Variants in SAMD3 observed in about 807,000 individuals in gnomAD.
SAMD3 encodes sterile alpha motif domain containing 3.
In SAMD3, 63 loss-of-function variants were observed where a neutral mutation model predicts 58.5. The ratio of observed to expected loss-of-function variants is 1.08; its 90% CI spans 0.88 to 1.33. SAMD3 has a LOEUF of 1.33. SAMD3 is among the 40% of genes most tolerant of loss of function. The pLI, the probability that SAMD3 is intolerant of heterozygous loss-of-function variation, is 0.00. For missense variants in SAMD3, 604 were observed against 608.4 expected (o/e 0.99, Z 0.08); for synonymous variants, 220 against 210.3 (o/e 1.05, Z -0.40).
At chr6:130,210,248 G>A (rs1425764278) in intron 4 of SAMD3, among the ~76,000 whole-genome samples, 2 of 152,158 alleles carry the variant, frequency 1.3e-5, no homozygotes, top group African/African-American at 2.4e-5. Flanking sequence ...CATTTGCTGA[G>A]GTATCAACAG....
chr6:130,309,388 G>T (rs1161942699), intron 2 of SAMD3, among the ~76,000 whole-genome samples: 1 of 152,184 alleles, frequency 6.6e-6, no homozygotes, highest in Non-Finnish European at 1.5e-5. Flanking sequence ...GCTTTTGTGG[G>T]AAGCAGATCA....
chr6:130,200,729 G>T (rs1419207615), intron 5 of SAMD3, among the ~76,000 whole-genome samples: 3 of 152,092 alleles, frequency 2.0e-5, no homozygotes, highest in African/African-American at 7.2e-5. Context: ...TAGAAAACTG[G>T]GTCTTTAAAC....
intron 2 of SAMD3, among the ~76,000 whole-genome samples, chr6:130,254,341 C>T (rs1773852430): frequency 6.6e-6 from 1 of 151,648 alleles, no homozygotes; most frequent in African/African-American, 2.4e-5. Context: ...TTACAGGTGC[C>T]CTGCCACCAC....
At chr6:130,298,295 C>T (rs550114911) in intron 2 of SAMD3, among the ~76,000 whole-genome samples, 28 of 152,066 alleles carry the variant, frequency 1.8e-4, no homozygotes, top group South Asian at 8.3e-4. Flanking sequence ...GCTTCATAAA[C>T]GAAGGAGAAG....
chr6:130,260,395 T>C (rs1414425212), intron 2 of SAMD3, among the ~76,000 whole-genome samples: 1 of 152,210 alleles, frequency 6.6e-6, no homozygotes, highest in East Asian at 1.9e-4. Flanking sequence ...CACCAGTGCA[T>C]GCAGCCCCTG....
chr6:130,212,209 C>T (rs146588759), intron 4 of SAMD3, among the ~76,000 whole-genome samples: 3,439 of 152,076 alleles, frequency 0.023, 125 homozygotes, highest in African/African-American at 0.077. Flanking sequence ...CAAGTGACAA[C>T]ATATAATAAA....
At chr6:130,346,144 G>A (rs1027038110) in intron 1 of SAMD3, among the ~76,000 whole-genome samples, 3 of 152,266 alleles carry the variant, frequency 2.0e-5, no homozygotes, top group Non-Finnish European at 4.4e-5. Flanking sequence ...CCCAGCGTGA[G>A]TGACGCAGAA....
intron 5 of SAMD3, among the ~76,000 whole-genome samples, chr6:130,187,607 G>A (rs921459435): frequency 2.6e-5 from 4 of 152,084 alleles, no homozygotes; most frequent in Admixed American, 2.0e-4. Context: ...TAATTTGGAA[G>A]CAGATAACTG....
chr6:130,185,712 C>T (rs1272095265), intron 5 of SAMD3, among the ~76,000 whole-genome samples: 2 of 151,228 alleles, frequency 1.3e-5, no homozygotes, highest in Non-Finnish European at 2.9e-5. Flanking sequence ...CTCACTGCAG[C>T]CTTGACCTCC....
In SAMD3 at chr6:130,220,972, A is replaced by G. The variant is rs539882670; in HGVS notation, c.-68+1722T>C. 1.8e-4 allele frequency among the ~76,000 whole-genome samples: 27 copies of G among 152,014 alleles called. No homozygotes were observed. In the South Asian group the frequency reaches 2.7e-3, roughly 15 times the overall value. ...GGGTTCATGCCATTCTCCTGCCTCA[A>G]CCTCCCGAGTAGCTGGGACTACGGG... On this transcript the variant is annotated intron_variant, in intron 1 of 11. Coordinates refer to ENST00000439090, the MANE Select transcript of SAMD3 (RefSeq NM_001017373.4).
At chr6:130,332,652 G>A (rs1307709827) in intron 1 of SAMD3, among the ~76,000 whole-genome samples, 1 of 152,188 alleles carries the variant, frequency 6.6e-6, no homozygotes, top group Non-Finnish European at 1.5e-5. Flanking sequence ...TCAGTGGTTT[G>A]AGTGGAGATA....
chr6:130,182,196 G>A (rs1465404170), intron 7 of SAMD3, among the ~76,000 whole-genome samples: 1 of 152,092 alleles, frequency 6.6e-6, no homozygotes, highest in Non-Finnish European at 1.5e-5. Flanking sequence ...TGACATGATT[G>A]TCAATGTTGG....
chr6:130,166,148 GA>G (rs1376888702), intron 8 of SAMD3, among the ~76,000 whole-genome samples: 6 of 152,150 alleles, frequency 3.9e-5, no homozygotes, highest in Admixed American at 3.9e-4. Context: ...CACAGCCCAG[GA>G]TGTCATTCTG....
intron 1 of SAMD3, among the ~76,000 whole-genome samples, chr6:130,340,685 T>C (rs1777241945): frequency 6.6e-6 from 1 of 152,256 alleles, no homozygotes; most frequent in Non-Finnish European, 1.5e-5. Flanking sequence ...CTTTTAATTC[T>C]ACAAAAATTC....
intron 5 of SAMD3, among the ~76,000 whole-genome samples, chr6:130,199,365 C>T (rs1162021097): frequency 6.6e-6 from 1 of 152,206 alleles, no homozygotes; most frequent in African/African-American, 2.4e-5. Context: ...TTTATATTAT[C>T]AACTCTGAAG....
At chr6:130,363,318 C>T (rs1778038720) in intron 1 of SAMD3, among the ~76,000 whole-genome samples, 2 of 152,206 alleles carry the variant, frequency 1.3e-5, no homozygotes, top group African/African-American at 4.8e-5. Flanking sequence ...AGCCTTGTTA[C>T]ATGACCTCTT....
At chr6:130,176,132 G>A (rs559899844) in intron 7 of SAMD3, 124 bp from the exon 8 acceptor site, 177 of 772,964 alleles carry the variant, frequency 2.3e-4, no homozygotes, top group Non-Finnish European at 3.7e-4. Flanking sequence ...TCACATCATG[G>A]TAATAGAAAC....
upstream of SAMD3, among the ~76,000 whole-genome samples, chr6:130,226,598 G>C (rs558651630): frequency 4.6e-5 from 7 of 152,266 alleles, no homozygotes; most frequent in Admixed American, 6.5e-5. Flanking sequence ...AGGCCAAGGC[G>C]GGTGCATCAC....
chr6:130,212,562 A>C (rs1795665242), intron 4 of SAMD3, among the ~76,000 whole-genome samples: 1 of 152,248 alleles, frequency 6.6e-6, no homozygotes, highest in Non-Finnish European at 1.5e-5. Context: ...ATTAAAGAGG[A>C]GGTAAGTACC....
Sources: allele counts gnomAD v4.1 joint callset (sites outside exome capture counted in the v4.1 genomes callset), GRCh38; gene constraint gnomAD v4.1.1; transcripts MANE v1.5; gene names NCBI Gene and HGNC (gene_info 2026-07-23, HGNC 2026-07-21).